CAPN13: variants seen among roughly 807,000 people sequenced by gnomAD.
The protein encoded by CAPN13 is calpain-13.
In CAPN13, 90 loss-of-function variants were observed where a neutral mutation model predicts 98.4. The ratio of observed to expected loss-of-function variants is 0.92; its 90% CI spans 0.77 to 1.09. The LOEUF (loss-of-function observed/expected upper bound fraction) is 1.09, where lower values mean the gene tolerates loss of function less well. Ranked by LOEUF, CAPN13 falls within the 50% of genes least tolerant of loss-of-function variation. CAPN13 has a pLI of 0.00. For missense variants in CAPN13, 887 were observed against 841.3 expected (o/e 1.05, Z -0.67); for synonymous variants, 330 against 305.5 (o/e 1.08, Z -0.84).
At chr2:30,807,051 A>G (rs1372261854) in intron 1 of CAPN13, among the ~76,000 whole-genome samples, 2 of 152,210 alleles carry the variant, frequency 1.3e-5, no homozygotes, top group African/African-American at 4.8e-5. Context: ...CTCTCTTTGC[A>G]TGAAATATGC....
intron 2 of CAPN13, among the ~76,000 whole-genome samples, chr2:30,778,341 A>G (rs1340815753): frequency 6.6e-6 from 1 of 152,204 alleles, no homozygotes; most frequent in East Asian, 1.9e-4. Context: ...AAGAACTGTC[A>G]GCAGGCACCA....
chr2:30,742,022 G>A, intron 14 of CAPN13, 58 bp from the exon 15 acceptor site: 2 of 1,479,202 alleles, frequency 1.4e-6, no homozygotes, highest in Non-Finnish European at 1.9e-6. Context: ...CCACCCATCT[G>A]GTACAGCAAG....
At chr2:30,759,887 G>A (rs1012342361) in intron 7 of CAPN13, among the ~76,000 whole-genome samples, 4 of 152,132 alleles carry the variant, frequency 2.6e-5, no homozygotes, top group Non-Finnish European at 4.4e-5. Flanking sequence ...TGCAGGAGCC[G>A]CACAGTCACA....
At chr2:30,768,909 G>T (rs1247283498) in intron 5 of CAPN13, among the ~76,000 whole-genome samples, 2 of 152,018 alleles carry the variant, frequency 1.3e-5, no homozygotes, top group Non-Finnish European at 2.9e-5. Flanking sequence ...CCAAGTGTTT[G>T]CCAGGATGTG....
intron 2 of CAPN13, among the ~76,000 whole-genome samples, chr2:30,784,965 C>T (rs1674190261): frequency 6.6e-6 from 1 of 152,210 alleles, no homozygotes; most frequent in Non-Finnish European, 1.5e-5. Context: ...TCTCTGCAGT[C>T]ACAGCTGTAC....
intron 7 of CAPN13, among the ~76,000 whole-genome samples, chr2:30,761,553 C>T (rs902725550): frequency 1.3e-5 from 2 of 152,148 alleles, no homozygotes; most frequent in African/African-American, 4.8e-5. Flanking sequence ...TCCCTTCTCC[C>T]CTGTGTTCAG....
chr2:30,767,628 A>T (rs1373973249), intron 5 of CAPN13, among the ~76,000 whole-genome samples: 5 of 152,202 alleles, frequency 3.3e-5, no homozygotes, highest in African/African-American at 1.2e-4. Context: ...AAACATGTGG[A>T]TTGGTTCAAC....
chr2:30,758,005 G>A, intron 8 of CAPN13, 41 bp downstream of exon 8: 2 of 1,488,326 alleles, frequency 1.3e-6, no homozygotes, highest in Non-Finnish European at 1.8e-6. Context: ...CCGACACCAA[G>A]CGCTCTGTGA....
At chr2:30,768,124 A>T (rs1412304942) in intron 5 of CAPN13, among the ~76,000 whole-genome samples, 1 of 152,132 alleles carries the variant, frequency 6.6e-6, no homozygotes, top group African/African-American at 2.4e-5. Flanking sequence ...TGCCTGCCTC[A>T]CACACAGCCC....
chr2:30,785,715 T>C (rs1461463446), intron 2 of CAPN13, among the ~76,000 whole-genome samples: 1 of 152,180 alleles, frequency 6.6e-6, no homozygotes, highest in Non-Finnish European at 1.5e-5. Flanking sequence ...ACTATAAATA[T>C]GGTCTTACAT....
chr2:30,736,348 A>G (rs1671363571), intron 18 of CAPN13, among the ~76,000 whole-genome samples, 155 bp downstream of exon 18: 2 of 152,130 alleles, frequency 1.3e-5, no homozygotes. Context: ...GAGTTGCACT[A>G]TGTCTCCCCA....
chr2:30,803,365 G>A (rs1675411692), intron 1 of CAPN13, among the ~76,000 whole-genome samples: 1 of 152,164 alleles, frequency 6.6e-6, no homozygotes, highest in African/African-American at 2.4e-5. Flanking sequence ...TGCAGGCTGG[G>A]ACAGGGTCTT....
At chr2:30,776,171 T>C (rs1673682431) in intron 3 of CAPN13, 126 bp from the exon 4 acceptor site, 1 of 584,076 alleles carries the variant, frequency 1.7e-6, no homozygotes, top group Non-Finnish European at 3.0e-6. Flanking sequence ...TTTTTTCCTC[T>C]GAGAGAGGAG....
chr2:30,739,621 C>T (rs1019567376), intron 15 of CAPN13, among the ~76,000 whole-genome samples: 2 of 152,166 alleles, frequency 1.3e-5, no homozygotes, highest in African/African-American at 4.8e-5. Flanking sequence ...CAGGACACCT[C>T]GCTTTGAACA....
At chr2:30,766,806 T>C (rs1210809254) in intron 5 of CAPN13, among the ~76,000 whole-genome samples, 1 of 152,216 alleles carries the variant, frequency 6.6e-6, no homozygotes, top group African/African-American at 2.4e-5. Context: ...CCTCTCTATT[T>C]CATGACCTCT....
At chr2:30,806,576 C>T (rs966375820) in intron 1 of CAPN13, among the ~76,000 whole-genome samples, 1 of 152,158 alleles carries the variant, frequency 6.6e-6, no homozygotes, top group Admixed American at 6.5e-5. Context: ...GTTCATGACC[C>T]AACTGTAACT....
chr2:30,761,013 C>CA (rs1465162285), intron 7 of CAPN13, among the ~76,000 whole-genome samples: 1 of 152,178 alleles, frequency 6.6e-6, no homozygotes, highest in Non-Finnish European at 1.5e-5. Context: ...TTATTCCTAG[C>CA]AAAAATGGTT....
At chr2:30,764,684 C>T (rs1185665334) in intron 5 of CAPN13, among the ~76,000 whole-genome samples, 6 of 152,116 alleles carry the variant, frequency 3.9e-5, no homozygotes, top group Non-Finnish European at 5.9e-5. Context: ...GTGCCCGGCA[C>T]GTGACCATCC....
chr2:30,770,250 C>A, intron 5 of CAPN13, 63 bp downstream of exon 5: 1 of 1,581,868 alleles, frequency 6.3e-7, no homozygotes. Flanking sequence ...GGACTGTTTG[C>A]ATTCCGGGTA....
Sources: gnomAD v4.1 joint callset for allele counts (sites outside exome capture counted in the v4.1 genomes callset) on GRCh38, gnomAD v4.1.1 for gene constraint, MANE v1.5 for transcripts, NCBI Gene and HGNC (gene_info 2026-07-23, HGNC 2026-07-21) for gene names.